Variants in PACRG observed in about 807,000 individuals in gnomAD.
PACRG encodes the protein parkin coregulated gene protein.
Under a neutral mutation model 29.7 loss-of-function variants are expected in PACRG, and 29 were observed. The observed-to-expected ratio is 0.98, with a 90% CI of 0.73 to 1.33. The LOEUF (loss-of-function observed/expected upper bound fraction) is 1.33, where lower values mean the gene tolerates loss of function less well. Among genes scored for constraint, PACRG ranks in the 40% most tolerant of loss-of-function variants. The pLI, the probability that PACRG is intolerant of heterozygous loss-of-function variation, is 0.00. For missense variants in PACRG, 279 were observed against 316.2 expected, an observed-to-expected ratio of 0.88 and a Z score of 0.89; for synonymous variants, 116 against 118.7, an observed-to-expected ratio of 0.98 and a Z score of 0.15.
chr6:163,309,902 T>A (rs529053194), intron 4 of PACRG: 1 of 152,356 alleles, frequency 6.6e-6, no homozygotes, highest in Non-Finnish European at 1.5e-5. Flanking sequence ...TAGGATTTTC[T>A]TAGTCATTAC....
intron 4 of PACRG, among the ~76,000 whole-genome samples, chr6:163,250,854 T>A (rs1465762143): frequency 6.7e-6 from 1 of 150,038 alleles, no homozygotes; most frequent in African/African-American, 2.5e-5. Context: ...CAAATGCCCA[T>A]CAATCAATGA....
In PACRG at chr6:163,298,199, A is replaced by C. The variant is rs376908884; in HGVS notation, c.614-16628A>C. Among the ~76,000 whole-genome samples, 15 of 152,246 alleles carry C rather than the reference A, an allele frequency of 9.9e-5. No homozygotes were observed. In the East Asian group the frequency reaches 1.4e-3, roughly 14 times the overall value. On this transcript the variant is annotated intron_variant, in intron 4 of 4. Coordinates refer to ENST00000366888, the MANE Select transcript of PACRG (RefSeq NM_001080379.2). ...TAAGATGAGACTTTGTTTTCTTTAT[A>C]ACCTCTACCCAGTAGACAAATAGGC...
At chr6:162,948,599 C>A (rs1332323960) in intron 2 of PACRG, among the ~76,000 whole-genome samples, 1 of 152,064 alleles carries the variant, frequency 6.6e-6, no homozygotes, top group Non-Finnish European at 1.5e-5. Context: ...AATGAAGAGA[C>A]AGCCTTAAAA....
At chr6:162,864,134 C>G (rs1422702806) in intron 2 of PACRG, among the ~76,000 whole-genome samples, 7 of 152,110 alleles carry the variant, frequency 4.6e-5, no homozygotes, top group Non-Finnish European at 8.8e-5. Flanking sequence ...TTTTTAAGCT[C>G]TTCCTCTCCC....
intron 1 of PACRG, among the ~76,000 whole-genome samples, chr6:162,805,554 T>C (rs2128346546): frequency 6.6e-6 from 1 of 152,282 alleles, no homozygotes; most frequent in South Asian, 2.1e-4. Flanking sequence ...TTGATTTTTC[T>C]TTTCATGAAA....
At chr6:162,894,529 A>G (rs1459908952) in intron 2 of PACRG, among the ~76,000 whole-genome samples, 1 of 152,206 alleles carries the variant, frequency 6.6e-6, no homozygotes, top group Non-Finnish European at 1.5e-5. Context: ...TCAGGTTTTG[A>G]AAAAGAGCTC....
chr6:163,082,682 G>A (rs1049892341), intron 3 of PACRG, among the ~76,000 whole-genome samples: 1 of 152,118 alleles, frequency 6.6e-6, no homozygotes, highest in Non-Finnish European at 1.5e-5. Context: ...TGAGGTCCGA[G>A]TGCAAATATG....
At chr6:163,220,429 C>T (rs1226717830) in intron 4 of PACRG, among the ~76,000 whole-genome samples, 11 of 152,112 alleles carry the variant, frequency 7.2e-5, no homozygotes, top group Non-Finnish European at 1.2e-4. Context: ...GATTTGCACA[C>T]GCCCTCTCTC....
At chr6:163,150,231 A>C (rs1031692277) in intron 4 of PACRG, among the ~76,000 whole-genome samples, 1 of 152,182 alleles carries the variant, frequency 6.6e-6, no homozygotes, top group African/African-American at 2.4e-5. Context: ...GATCACATCT[A>C]GCTAATACGA....
intron 2 of PACRG, among the ~76,000 whole-genome samples, chr6:162,916,033 C>G (rs1796674004): frequency 6.6e-6 from 1 of 152,108 alleles, no homozygotes; most frequent in Non-Finnish European, 1.5e-5. Context: ...TATCATTTTT[C>G]TTCCATCTGC....
At chr6:163,147,080 T>A (rs966777276) in intron 4 of PACRG, among the ~76,000 whole-genome samples, 7 of 152,182 alleles carry the variant, frequency 4.6e-5, no homozygotes, top group Non-Finnish European at 8.8e-5. Context: ...CAGCCTCAAC[T>A]CCTGTGATAG....
At chr6:162,981,305 A>ATATATATATTTTTTTTTTTT (rs925663285) in intron 2 of PACRG, among the ~76,000 whole-genome samples, 119 of 149,150 alleles carry the variant, frequency 8.0e-4, no homozygotes, top group African/African-American at 2.6e-3. Flanking sequence ...ATATATATAT[A>ATATATATATTTTTTTTTTTT]TTTACAATGG....
In PACRG at chr6:162,728,297, C is replaced by A. The variant is rs961620258; in HGVS notation, c.62C>A (p.Thr21Asn). 1.2e-6 allele frequency: 2 copies of A among 1,614,034 alleles called. No homozygotes were observed. The highest frequency in any genetic ancestry group is 1.7e-6 in the Non-Finnish European group (2 of 1,180,026). The change falls in exon 1 of 5, where the codon ACC becomes AAC. Residue 21 changes from threonine to asparagine, a missense_variant. Thr to Asn is a moderately conservative substitution (Grantham distance 65, BLOSUM62 0). Coordinates refer to ENST00000366888, the MANE Select transcript of PACRG (RefSeq NM_001080379.2). ...TGCCCAGACAAGATGCCGAAGAGGA[C>A]CAAGCTGCTGGCACAACAGCCGCTC... ...NKCPDKMPKR[T>N]KLLAQQPLPV...
At chr6:163,049,033 T>C (rs1023335662) in intron 2 of PACRG, among the ~76,000 whole-genome samples, 7 of 152,090 alleles carry the variant, frequency 4.6e-5, no homozygotes, top group Admixed American at 4.6e-4. Flanking sequence ...ATGTGTAAAC[T>C]TTATATGAAA....
chr6:162,942,881 G>C (rs1798731263), intron 2 of PACRG, among the ~76,000 whole-genome samples: 1 of 152,120 alleles, frequency 6.6e-6, no homozygotes. Context: ...ATCAAACTTT[G>C]AATAGATTAT....
chr6:163,054,560 C>T (rs372070271), intron 2 of PACRG, among the ~76,000 whole-genome samples: 3 of 152,134 alleles, frequency 2.0e-5, no homozygotes, highest in Admixed American at 6.5e-5. Flanking sequence ...TTCCTTAGTT[C>T]GGCTGAAGAC....
intron 4 of PACRG, among the ~76,000 whole-genome samples, chr6:163,135,617 T>C (rs1343820703): frequency 6.6e-6 from 1 of 152,250 alleles, no homozygotes; most frequent in African/African-American, 2.4e-5. Context: ...GAAATCTTCT[T>C]CCGCATTTCT....
intron 4 of PACRG, among the ~76,000 whole-genome samples, chr6:163,234,126 G>A (rs1231122685): frequency 6.6e-6 from 1 of 152,202 alleles, no homozygotes; most frequent in Non-Finnish European, 1.5e-5. Context: ...AGATGATCTA[G>A]GGTGCAGTTC....
intron 2 of PACRG, among the ~76,000 whole-genome samples, chr6:162,837,524 T>C (rs1311611388): frequency 6.6e-6 from 1 of 152,198 alleles, no homozygotes; most frequent in Admixed American, 6.6e-5. Context: ...GTAATCTATT[T>C]CTTTTAAGCA....
Sources: gnomAD v4.1 joint callset for allele counts (sites outside exome capture counted in the v4.1 genomes callset) on GRCh38, gnomAD v4.1.1 for gene constraint, MANE v1.5 for transcripts, NCBI Gene and HGNC (gene_info 2026-07-23, HGNC 2026-07-21) for gene names.